The following RMDN2 variants were observed in gnomAD, a reference collection of about 807,000 sequenced individuals.
RMDN2 encodes the protein regulator of microtubule dynamics 2, also known as regulator of microtubule dynamics protein 2.
RMDN2 carries 61 observed loss-of-function variants against 52.8 expected under a neutral mutation model. The observed-to-expected ratio is 1.16, with a 90% CI of 0.94 to 1.43. RMDN2 has a LOEUF of 1.43. Ranked by LOEUF, RMDN2 falls within the 40% of genes most tolerant of loss-of-function variation. The probability of loss-of-function intolerance (pLI) is 0.00; values close to 1 mark genes in which losing one functional copy is unlikely to be tolerated. For missense variants in RMDN2, 592 were observed against 475.3 expected (o/e 1.25, Z -2.28); for synonymous variants, 180 against 153.1 (o/e 1.18, Z -1.30).
At chr2:37,932,727 C>T (rs1337708198) in intron 2 of RMDN2, among the ~76,000 whole-genome samples, 7 of 140,718 alleles carry the variant, frequency 5.0e-5, no homozygotes, top group East Asian at 4.3e-4. Context: ...GGCGGCTGGC[C>T]GGGCAGAGGG....
At chr2:37,957,261 A>G (rs889014045) in intron 2 of RMDN2, among the ~76,000 whole-genome samples, 2 of 152,210 alleles carry the variant, frequency 1.3e-5, no homozygotes, top group Non-Finnish European at 2.9e-5. Flanking sequence ...GAACTAATTT[A>G]CACTCCCACC....
At chr2:37,944,337 A>G (rs1668045476) in intron 2 of RMDN2, among the ~76,000 whole-genome samples, 1 of 151,868 alleles carries the variant, frequency 6.6e-6, no homozygotes, top group Non-Finnish European at 1.5e-5. Context: ...AATCTCAAAA[A>G]AAAAAAAAAA....
intron 10 of RMDN2, 121 bp from the exon 11 acceptor site, chr2:38,017,065 C>T (rs1029983222): frequency 6.5e-6 from 3 of 463,372 alleles, no homozygotes; most frequent in Non-Finnish European, 1.1e-5. Context: ...CACGTACCCT[C>T]ATGAACCTTA....
At chr2:37,942,030 G>A (rs1051071826) in intron 2 of RMDN2, among the ~76,000 whole-genome samples, 21 of 152,102 alleles carry the variant, frequency 1.4e-4, no homozygotes, top group African/African-American at 3.4e-4. Flanking sequence ...GGCCCTTGTG[G>A]TGTAGGCACC....
chr2:38,057,130 A>G (rs1272284974), intron 10 of RMDN2, among the ~76,000 whole-genome samples: 1 of 152,232 alleles, frequency 6.6e-6, no homozygotes, highest in East Asian at 1.9e-4. Flanking sequence ...CTTTAGAAAC[A>G]TGAAGAGGTT....
chr2:37,929,459 A>G lies in RMDN2; in HGVS notation c.182A>G (p.Asp61Gly), dbSNP rs1666545791. The change falls in exon 2 of 11, where the codon GAC becomes GGC. Residue 61 changes from aspartate (D) to glycine (G), a missense_variant. Physicochemically the swap from Asp to Gly is moderately conservative, Grantham distance 94. Coordinates refer to ENST00000354545, the MANE Select transcript of RMDN2 (RefSeq NM_001170791.3). Reference sequence around the variant, plus strand: ...ACTTTGCAAGATGAAATACATGATGACCAAGGAACAACAGTAATCTTTCAA... The same window carrying G: ...ACTTTGCAAGATGAAATACATGATGGCCAAGGAACAACAGTAATCTTTCAA... Reference protein sequence around the residue: ...SITLQDEIHDDQGTTVIFQER... With the variant: ...SITLQDEIHDGQGTTVIFQER... 6.4e-7 allele frequency: 1 copy of G among 1,551,728 alleles called. No individual in the cohort carries two copies. Among genetic ancestry groups the G allele is most frequent in the Middle Eastern group, 1.7e-4 (1 of 5,992 alleles).
At chr2:38,051,946 T>C (rs1458689416) in intron 10 of RMDN2, among the ~76,000 whole-genome samples, 1 of 152,226 alleles carries the variant, frequency 6.6e-6, no homozygotes, top group Non-Finnish European at 1.5e-5. Flanking sequence ...GTTGATTTCA[T>C]GTCTTGGCTA....
intron 8 of RMDN2, chr2:38,003,105 A>G (rs1243332574): frequency 6.6e-6 from 1 of 152,244 alleles, no homozygotes; most frequent in African/African-American, 2.4e-5. Flanking sequence ...TGGATGTTTC[A>G]AGGATCTGTC....
chr2:37,954,309 T>C (rs575581408), intron 2 of RMDN2, among the ~76,000 whole-genome samples: 53 of 152,244 alleles, frequency 3.5e-4, no homozygotes, highest in African/African-American at 1.2e-3. Context: ...TTATGTTTTC[T>C]TTTAAGAGTT....
chr2:38,012,650 G>C (rs1263902693), intron 10 of RMDN2: 4 of 460,820 alleles, frequency 8.7e-6, no homozygotes, highest in Non-Finnish European at 1.8e-5. Context: ...AGTAGTAAAG[G>C]TATGTAAGGT....
upstream of RMDN2, among the ~76,000 whole-genome samples, chr2:37,922,566 T>C (rs1666060775): frequency 6.6e-6 from 1 of 152,196 alleles, no homozygotes; most frequent in Non-Finnish European, 1.5e-5. Flanking sequence ...GTTCCCAAGA[T>C]ACAAAGATAA....
chr2:38,008,278 G>A (rs569625759), intron 10 of RMDN2, among the ~76,000 whole-genome samples: 13 of 152,216 alleles, frequency 8.5e-5, no homozygotes, highest in East Asian at 5.8e-4. Flanking sequence ...TTTCTGTCTC[G>A]TTGATCTGTC....
chr2:38,008,435 G>T (rs1677438330), intron 10 of RMDN2, among the ~76,000 whole-genome samples: 1 of 152,178 alleles, frequency 6.6e-6, no homozygotes, highest in African/African-American at 2.4e-5. Flanking sequence ...TCTCCTTGTT[G>T]AATTGATCCC....
At chr2:37,969,644 C>T (rs1412854073) in intron 2 of RMDN2, among the ~76,000 whole-genome samples, 1 of 151,426 alleles carries the variant, frequency 6.6e-6, no homozygotes, top group East Asian at 1.9e-4. Context: ...TTCTTTTTTC[C>T]AATTATTATA....
chr2:38,054,685 T>C (rs1681781251), intron 10 of RMDN2, among the ~76,000 whole-genome samples: 1 of 152,232 alleles, frequency 6.6e-6, no homozygotes, highest in African/African-American at 2.4e-5. Flanking sequence ...GCTTGCAGCA[T>C]GACCACCTAC....
chr2:38,009,205 G>A (rs866754282), intron 10 of RMDN2, among the ~76,000 whole-genome samples: 6 of 152,162 alleles, frequency 3.9e-5, no homozygotes, highest in African/African-American at 1.4e-4. Context: ...TTCTCGAGGA[G>A]TATCTTTTTG....
chr2:38,015,533 C>G (rs1211125970), intron 10 of RMDN2, among the ~76,000 whole-genome samples: 1 of 150,464 alleles, frequency 6.6e-6, no homozygotes, highest in Non-Finnish European at 1.5e-5. Flanking sequence ...CCACTGCACT[C>G]CAGCCTGGCA....
At chr2:37,959,772 C>A (rs781056213) in intron 2 of RMDN2, among the ~76,000 whole-genome samples, 1 of 150,844 alleles carries the variant, frequency 6.6e-6, no homozygotes, top group Non-Finnish European at 1.5e-5. Context: ...TTTCTGCTTT[C>A]TCCTGTAGGC....
chr2:37,944,114 A>G (rs1668023641), intron 2 of RMDN2, among the ~76,000 whole-genome samples: 1 of 152,184 alleles, frequency 6.6e-6, no homozygotes, highest in Admixed American at 6.5e-5. Flanking sequence ...AGTTTTGCCA[A>G]GCCGAAAACT....
Sources: gnomAD v4.1 joint callset for allele counts (sites outside exome capture counted in the v4.1 genomes callset) on GRCh38, gnomAD v4.1.1 for gene constraint, MANE v1.5 for transcripts, NCBI Gene and HGNC (gene_info 2026-07-23, HGNC 2026-07-21) for gene names.